The following FGF13 variants were observed in gnomAD, a reference collection of about 807,000 sequenced individuals.
The protein encoded by FGF13 is fibroblast growth factor homologous factor 2.
A neutral mutation model predicts 19.5 loss-of-function variants in FGF13; 2 were observed. The ratio of observed to expected loss-of-function variants is 0.10; its 90% CI spans 0.04 to 0.32. The LOEUF (loss-of-function observed/expected upper bound fraction) is 0.32, where lower values mean the gene tolerates loss of function less well. FGF13 is among the 10% of genes least tolerant of loss of function. The pLI is 1.00. For missense variants in FGF13, 113 were observed against 192.7 expected, an observed-to-expected ratio of 0.59 and a Z score of 2.45; for synonymous variants, 72 against 76.9, an observed-to-expected ratio of 0.94 and a Z score of 0.33.
intron 1 of FGF13, among the ~76,000 whole-genome samples, chrX:139,143,282 T>C (rs907441567): frequency 2.7e-5 from 3 of 111,885 alleles, no homozygotes; most frequent in Non-Finnish European, 5.6e-5. Context: ...CTCATGCCTA[T>C]GGTAATAGTC....
chrX:138,753,669 T>C (rs2090412661), intron 3 of FGF13, among the ~76,000 whole-genome samples: 1 of 112,129 alleles, frequency 8.9e-6, no homozygotes, highest in African/African-American at 3.2e-5. Context: ...GTTTCTTTTA[T>C]GAAATGCCTC....
At chrX:138,648,956 T>G (rs1448173820) in intron 3 of FGF13, among the ~76,000 whole-genome samples, 6 of 112,363 alleles carry the variant, frequency 5.3e-5, no homozygotes, top group Non-Finnish European at 9.4e-5. Context: ...AGCTAAATTA[T>G]TTATCTCATA....
intron 1 of FGF13, among the ~76,000 whole-genome samples, chrX:139,138,365 T>C (rs769098896): frequency 5.4e-5 from 6 of 111,620 alleles, no homozygotes; most frequent in African/African-American, 1.3e-4. Flanking sequence ...TAGAAACCAA[T>C]TGAAGAAGTA....
At chrX:138,654,019 C>A (rs1286029741) in intron 3 of FGF13, among the ~76,000 whole-genome samples, 1 of 111,953 alleles carries the variant, frequency 8.9e-6, no homozygotes, top group Non-Finnish European at 1.9e-5. Context: ...TTTGAATTTG[C>A]ATACTGGTTG....
At chrX:139,184,943 C>A (rs1194771604) in intron 1 of FGF13, among the ~76,000 whole-genome samples, 1 of 111,642 alleles carries the variant, frequency 9.0e-6, no homozygotes, top group Non-Finnish European at 1.9e-5. Flanking sequence ...ATGCACATTC[C>A]AGGACACTTT....
intron 1 of FGF13, among the ~76,000 whole-genome samples, chrX:138,983,938 T>C (rs1281983982): frequency 8.9e-6 from 1 of 111,753 alleles, no homozygotes; most frequent in Non-Finnish European, 1.9e-5. Flanking sequence ...ATTTTGCCTA[T>C]AGTTATCAAT....
intron 1 of FGF13, among the ~76,000 whole-genome samples, chrX:139,105,418 C>T (rs777611588): frequency 9.0e-6 from 1 of 111,590 alleles, no homozygotes; most frequent in South Asian, 3.8e-4. Context: ...CGTCTGACCT[C>T]ATGATGCAGG....
intron 1 of FGF13, among the ~76,000 whole-genome samples, chrX:138,907,391 G>A (rs959488020): frequency 2.7e-5 from 3 of 111,692 alleles, no homozygotes; most frequent in African/African-American, 9.8e-5. Context: ...AAGATTGTGG[G>A]TTGGGAAGAG....
intron 1 of FGF13, among the ~76,000 whole-genome samples, chrX:139,096,891 T>G (rs761286190): frequency 1.8e-5 from 2 of 111,885 alleles, no homozygotes; most frequent in East Asian, 5.6e-4. Context: ...CAGTCAAGTT[T>G]TACTAAATAT....
intron 3 of FGF13, among the ~76,000 whole-genome samples, chrX:138,697,684 T>G: frequency 9.0e-6 from 1 of 111,456 alleles, no homozygotes; most frequent in Non-Finnish European, 1.9e-5. Flanking sequence ...GTAGAACTGC[T>G]GCTAATGAGT....
At chrX:138,868,363 A>AGTGT (rs200694460) in intron 1 of FGF13, among the ~76,000 whole-genome samples, 17 of 108,906 alleles carry the variant, frequency 1.6e-4, no homozygotes, top group African/African-American at 5.7e-4. Context: ...AGCGGGGCCC[A>AGTGT]GTGTGTGTGT....
intron 3 of FGF13, among the ~76,000 whole-genome samples, chrX:138,761,639 G>C (rs1348265749): frequency 9.0e-6 from 1 of 111,605 alleles, no homozygotes; most frequent in Non-Finnish European, 1.9e-5. Context: ...GCACAGTGCC[G>C]GTTTAACAAA....
At chrX:139,163,123 C>T (rs1261068401) in intron 1 of FGF13, among the ~76,000 whole-genome samples, 1 of 111,986 alleles carries the variant, frequency 8.9e-6, no homozygotes, top group Non-Finnish European at 1.9e-5. Context: ...TTCACAATAG[C>T]AAAGTCTTGG....
chrX:139,064,243 T>C (rs1792237681), intron 1 of FGF13, among the ~76,000 whole-genome samples: 1 of 108,342 alleles, frequency 9.2e-6, no homozygotes, highest in Admixed American at 9.8e-5. Flanking sequence ...TTTAGTAATG[T>C]CCAGTTTAAT....
chrX:138,998,366 C>T (rs987032514), intron 1 of FGF13, among the ~76,000 whole-genome samples: 14 of 110,938 alleles, frequency 1.3e-4, no homozygotes, highest in Non-Finnish European at 1.9e-4. Flanking sequence ...TAAAATGCCC[C>T]AATTAAAAGA....
At chrX:138,691,248 AGT>A (rs1047775487) in intron 3 of FGF13, among the ~76,000 whole-genome samples, 1 of 111,788 alleles carries the variant, frequency 8.9e-6, no homozygotes, top group African/African-American at 3.2e-5. Context: ...CGTTAATTAC[AGT>A]GAATCACTGT....
chrX:139,094,095 T>C (rs894110934), intron 1 of FGF13, among the ~76,000 whole-genome samples: 2 of 111,677 alleles, frequency 1.8e-5, no homozygotes, highest in African/African-American at 6.5e-5. Flanking sequence ...GATATCACAT[T>C]GTCATACAGG....
chrX:139,021,998 T>C (rs1436534399), intron 1 of FGF13, among the ~76,000 whole-genome samples: 1 of 111,737 alleles, frequency 8.9e-6, no homozygotes, highest in African/African-American at 3.2e-5. Flanking sequence ...GATTCTTTCT[T>C]TGTGTTACTC....
chrX:138,939,891 T>C (rs192886502), intron 1 of FGF13, among the ~76,000 whole-genome samples: 39 of 111,988 alleles, frequency 3.5e-4, no homozygotes, highest in African/African-American at 1.3e-3. Flanking sequence ...CACATGCGTG[T>C]GTCTTTATGG....
Sources: allele counts gnomAD v4.1 joint callset (sites outside exome capture counted in the v4.1 genomes callset), GRCh38; gene constraint gnomAD v4.1.1; transcripts MANE v1.5; gene names NCBI Gene and HGNC (gene_info 2026-07-23, HGNC 2026-07-21).